The following PCSK5 variants were observed in gnomAD, a reference collection of about 807,000 sequenced individuals.
PCSK5 encodes proprotein convertase subtilisin/kexin type 5.
A neutral mutation model predicts 233.2 loss-of-function variants in PCSK5; 129 were observed. That is an observed-to-expected ratio of 0.55 (90% CI 0.48 to 0.64). The LOEUF (loss-of-function observed/expected upper bound fraction) is 0.64, where lower values mean the gene tolerates loss of function less well. Ranked by LOEUF, PCSK5 falls within the 30% of genes least tolerant of loss-of-function variation. PCSK5 has a pLI of 0.00. For missense variants in PCSK5, 2,076 were observed against 2,430.1 expected, an observed-to-expected ratio of 0.85 and a Z score of 3.06; for synonymous variants, 825 against 879.2, an observed-to-expected ratio of 0.94 and a Z score of 1.09.
At chr9:76,091,312 TGA>T (rs71992221) in intron 7 of PCSK5, among the ~76,000 whole-genome samples, 206 of 149,650 alleles carry the variant, frequency 1.4e-3, no homozygotes, top group South Asian at 3.4e-3. Flanking sequence ...GCCTACAATC[TGA>T]GAGAGAGAGA....
chr9:76,340,363 T>G (rs1014519862), intron 35 of PCSK5, among the ~76,000 whole-genome samples: 2 of 152,070 alleles, frequency 1.3e-5, no homozygotes, highest in Non-Finnish European at 2.9e-5. Flanking sequence ...GATCTTCAAA[T>G]AGCCAGGCGC....
At chr9:76,013,302 G>A (rs2131458673) in intron 3 of PCSK5, among the ~76,000 whole-genome samples, 2 of 152,306 alleles carry the variant, frequency 1.3e-5, no homozygotes, top group East Asian at 3.9e-4. Context: ...ACTTGAATGT[G>A]CACAGCTTCA....
intron 1 of PCSK5, among the ~76,000 whole-genome samples, chr9:75,930,726 C>A (rs773574742): frequency 6.6e-6 from 1 of 152,084 alleles, no homozygotes; most frequent in Non-Finnish European, 1.5e-5. Flanking sequence ...TTTCTTTCCA[C>A]GAGAACTACT....
intron 3 of PCSK5, among the ~76,000 whole-genome samples, chr9:76,004,382 T>G (rs759354259): frequency 1.8e-4 from 27 of 152,200 alleles, no homozygotes; most frequent in Non-Finnish European, 3.1e-4. Context: ...TTTTTGGTGA[T>G]GTTAACTTTG....
chr9:75,997,337 T>G (rs1827063024), intron 3 of PCSK5, among the ~76,000 whole-genome samples: 1 of 152,206 alleles, frequency 6.6e-6, no homozygotes, highest in South Asian at 2.1e-4. Flanking sequence ...GGAATGATTT[T>G]TAGCAATCCA....
chr9:76,317,658 G>A (rs1829070249), intron 30 of PCSK5, among the ~76,000 whole-genome samples: 1 of 152,212 alleles, frequency 6.6e-6, no homozygotes. Flanking sequence ...TCCACTAGAG[G>A]TGAAATGGAC....
chr9:76,247,751 T>C (rs971069), intron 24 of PCSK5, among the ~76,000 whole-genome samples: 58,273 of 151,934 alleles, frequency 0.38, 11,401 homozygotes, highest in Non-Finnish European at 0.42. Flanking sequence ...GTAAAGGAGA[T>C]GGGCAGGACT....
At position 76,281,097 on chromosome 9, in the gene PCSK5, G is replaced by A. The variant is rs540303917; in HGVS notation, c.3143-11136G>A. ...GAAGCTGTCTCCATAACATAAAAGT[G>A]CGAGGTGAAGCAGCAAGTAATGATG... On this transcript the variant is annotated intron_variant, in intron 24 of 37. Transcript: ENST00000674117. 2.6e-5 allele frequency among the ~76,000 whole-genome samples: 4 copies of A among 152,340 alleles called. No individual in the cohort carries two copies. In the South Asian group the frequency reaches 6.2e-4, roughly 24 times the overall value.
intron 2 of PCSK5, among the ~76,000 whole-genome samples, chr9:75,950,999 G>A (rs1824831191): frequency 6.6e-6 from 1 of 152,162 alleles, no homozygotes; most frequent in Non-Finnish European, 1.5e-5. Flanking sequence ...GTAGATTTGG[G>A]AAATTTTGTA....
intron 25 of PCSK5, among the ~76,000 whole-genome samples, chr9:76,294,298 C>T (rs1174759673): frequency 6.6e-6 from 1 of 152,122 alleles, no homozygotes; most frequent in Non-Finnish European, 1.5e-5. Context: ...AATTTCACTC[C>T]ACTCCTCCTT....
chr9:76,114,117 T>C (rs1832331946), intron 9 of PCSK5, among the ~76,000 whole-genome samples: 1 of 152,096 alleles, frequency 6.6e-6, no homozygotes, highest in Non-Finnish European at 1.5e-5. Context: ...AAAATTTTGC[T>C]GAAATTTCTG....
chr9:76,209,546 G>T (rs773057682), intron 20 of PCSK5: 1 of 515,698 alleles, frequency 1.9e-6, no homozygotes, highest in Admixed American at 2.0e-5. Context: ...ATGAATTACT[G>T]AGTGCCTTTT....
At position 75,912,343 on chromosome 9, in the gene PCSK5, T is replaced by C. The variant is rs993879337; in HGVS notation, c.193-20036T>C. Among the ~76,000 whole-genome samples the C allele has an allele frequency of 2.0e-5, 3 of 152,008 alleles. No homozygotes were observed. The East Asian group carries it at 5.8e-4, about 29-fold the overall frequency. ...GTTGGAGGCATGGCAAGAAGCCCGG[T>C]GATTCTGAGTGAGCAAGAGAGTGGT... On this transcript the variant is annotated intron_variant, in intron 1 of 37. Coordinates refer to ENST00000674117, the MANE Select transcript of PCSK5 (RefSeq NM_001372043.1).
At chr9:76,123,700 A>T (rs1032066530) in intron 9 of PCSK5, among the ~76,000 whole-genome samples, 1 of 152,214 alleles carries the variant, frequency 6.6e-6, no homozygotes, top group Admixed American at 6.5e-5. Flanking sequence ...ATTTTGAGTT[A>T]TTCATAAATC....
At chr9:76,329,757 C>T (rs571897616) in intron 33 of PCSK5, among the ~76,000 whole-genome samples, 5 of 152,044 alleles carry the variant, frequency 3.3e-5, no homozygotes, top group African/African-American at 9.6e-5. Flanking sequence ...CGCTTGAACC[C>T]GGGAGACAGA....
chr9:76,191,744 GGCCACGTAA>G (rs1226044024), intron 20 of PCSK5, among the ~76,000 whole-genome samples: 4 of 151,950 alleles, frequency 2.6e-5, no homozygotes, highest in African/African-American at 9.7e-5. Context: ...GCACCCCAGG[GGCCACGTAA>G]GTATCATTTT....
At chr9:75,901,007 C>T (rs1341763825) in intron 1 of PCSK5, among the ~76,000 whole-genome samples, 3 of 152,022 alleles carry the variant, frequency 2.0e-5, no homozygotes, top group Non-Finnish European at 4.4e-5. Flanking sequence ...ATAAAAAGTC[C>T]ATCTGGAAAG....
At chr9:76,130,513 G>A (rs897384846) in intron 9 of PCSK5, among the ~76,000 whole-genome samples, 1 of 152,112 alleles carries the variant, frequency 6.6e-6, no homozygotes, top group African/African-American at 2.4e-5. Flanking sequence ...TGTCGTCTGT[G>A]AAACAGGAAT....
At chr9:75,986,312 T>C (rs1268621049) in intron 3 of PCSK5, 67 bp downstream of exon 3, 41 of 924,002 alleles carry the variant, frequency 4.4e-5, no homozygotes, top group Non-Finnish European at 5.8e-5. Flanking sequence ...GCAGAGAATC[T>C]GTTGGTCTTG....
Sources: allele counts gnomAD v4.1 joint callset (sites outside exome capture counted in the v4.1 genomes callset), GRCh38; gene constraint gnomAD v4.1.1; transcripts MANE v1.5; gene names NCBI Gene and HGNC (gene_info 2026-07-23, HGNC 2026-07-21).